The following DNAH11 variants were observed in gnomAD, a reference collection of about 807,000 sequenced individuals.
The protein encoded by DNAH11 is dynein axonemal heavy chain 11.
Under a neutral mutation model 526.0 loss-of-function variants are expected in DNAH11, and 442 were observed. The ratio of observed to expected loss-of-function variants is 0.84; its 90% CI spans 0.78 to 0.91. DNAH11 has a LOEUF of 0.91. Among genes scored for constraint, DNAH11 ranks in the 40% least tolerant of loss-of-function variants. The probability of loss-of-function intolerance (pLI) is 0.00; values close to 1 mark genes in which losing one functional copy is unlikely to be tolerated. For synonymous variants in DNAH11, 2,461 were observed against 1,935.9 expected, an observed-to-expected ratio of 1.27 and a Z score of -7.12; for missense variants, 6,989 against 5,448.7, an observed-to-expected ratio of 1.28 and a Z score of -8.90.
At chr7:21,577,031 A>G (rs898001660) in intron 8 of DNAH11, among the ~76,000 whole-genome samples, 1 of 152,348 alleles carries the variant, frequency 6.6e-6, no homozygotes, top group East Asian at 1.9e-4. Context: ...CAGAGTGGCT[A>G]AGGATATTGG....
chr7:21,608,432 C>T (rs574671979), intron 20 of DNAH11, among the ~76,000 whole-genome samples: 8 of 152,208 alleles, frequency 5.3e-5, no homozygotes, highest in Non-Finnish European at 7.3e-5. Context: ...ACCCTGATTT[C>T]ATTTCATGCT....
chr7:21,847,432 C>T (rs1435062420), intron 66 of DNAH11, among the ~76,000 whole-genome samples: 2 of 152,100 alleles, frequency 1.3e-5, no homozygotes, highest in African/African-American at 4.8e-5. Context: ...CTTGAGACTT[C>T]TTCTTTGACC....
intron 14 of DNAH11, 76 bp from the exon 15 acceptor site, chr7:21,599,711 C>CTA: frequency 8.7e-7 from 1 of 1,142,938 alleles, no homozygotes; most frequent in Non-Finnish European, 1.2e-6. Context: ...CTTTTACAAA[C>CTA]TATTTAAACG....
intron 34 of DNAH11, among the ~76,000 whole-genome samples, chr7:21,688,498 A>G (rs925601649): frequency 1.3e-5 from 2 of 152,184 alleles, no homozygotes; most frequent in African/African-American, 4.8e-5. Flanking sequence ...GCTTTAAAAA[A>G]ACTCTCTCTA....
chr7:21,581,466 G>GA (rs1290085701), intron 8 of DNAH11, among the ~76,000 whole-genome samples: 1 of 151,956 alleles, frequency 6.6e-6, no homozygotes, highest in Non-Finnish European at 1.5e-5. Flanking sequence ...ACAACTCCAT[G>GA]AAAAAACAAA....
At chr7:21,810,496 G>C (rs1789468228) in intron 63 of DNAH11, among the ~76,000 whole-genome samples, 2 of 152,182 alleles carry the variant, frequency 1.3e-5, no homozygotes, top group African/African-American at 4.8e-5. Flanking sequence ...TGCAGTGCAA[G>C]CTGGCCAAAC....
chr7:21,843,601 T>C (rs6980207), intron 66 of DNAH11, among the ~76,000 whole-genome samples: 99,661 of 151,342 alleles, frequency 0.66, 33,193 homozygotes, highest in Non-Finnish European at 0.69. Flanking sequence ...CTGCCTCAGC[T>C]TCCCGAGTAG....
intron 45 of DNAH11, 130 bp downstream of exon 45, chr7:21,726,114 T>C (rs1426816889): frequency 1.0e-6 from 1 of 955,404 alleles, no homozygotes; most frequent in South Asian, 2.1e-5. Flanking sequence ...CCAGGAAGCA[T>C]GATGCTGGCA....
intron 32 of DNAH11, among the ~76,000 whole-genome samples, chr7:21,684,241 T>C (rs1301156197): frequency 6.6e-6 from 1 of 152,180 alleles, no homozygotes; most frequent in Non-Finnish European, 1.5e-5. Flanking sequence ...ATTCCTTTAC[T>C]GAAAGTGTAC....
intron 64 of DNAH11, among the ~76,000 whole-genome samples, chr7:21,817,244 T>C (rs1235807785): frequency 6.6e-6 from 1 of 152,184 alleles, no homozygotes; most frequent in African/African-American, 2.4e-5. Context: ...TACTGTCTGA[T>C]AGATAGAAAG....
At chr7:21,839,517 G>A (rs1355594127) in intron 65 of DNAH11, among the ~76,000 whole-genome samples, 1 of 151,662 alleles carries the variant, frequency 6.6e-6, no homozygotes, top group African/African-American at 2.4e-5. Context: ...AGAGCTTTCA[G>A]GGATCCGAGA....
chr7:21,605,015 C>T (rs953679376), intron 18 of DNAH11, among the ~76,000 whole-genome samples: 6 of 152,160 alleles, frequency 3.9e-5, no homozygotes, highest in African/African-American at 1.2e-4. Flanking sequence ...TGTTTTGATT[C>T]CATAACACAT....
chr7:21,750,253 T>C lies in DNAH11; in HGVS notation c.8829T>C (p.Asp2943=), dbSNP rs886038474. 2.5e-6 allele frequency: 4 copies of C among 1,606,506 alleles called. No individual in the cohort carries two copies. The highest frequency in any genetic ancestry group is 3.3e-4 in the Middle Eastern group (2 of 6,058). The change falls in exon 54 of 82, where the codon GAT becomes GAC. Residue 2943 remains aspartate, a synonymous_variant. Coordinates refer to ENST00000409508, the MANE Select transcript of DNAH11 (RefSeq NM_001277115.2). ...GEIPDLFSDE[D]VDKIISGIHN... Reference sequence around the variant, plus strand: ...TCCCAGATCTGTTCAGCGATGAAGATGTGGACAAGATAATTTCTGGAATTC... The same window carrying C: ...TCCCAGATCTGTTCAGCGATGAAGACGTGGACAAGATAATTTCTGGAATTC...
intron 21 of DNAH11, among the ~76,000 whole-genome samples, chr7:21,615,575 T>G (rs1027052524): frequency 6.6e-6 from 1 of 151,700 alleles, no homozygotes; most frequent in Non-Finnish European, 1.5e-5. Context: ...AAATATATAT[T>G]ACATGTGTAG....
chr7:21,896,929 G>T (rs1784535482), intron 79 of DNAH11, among the ~76,000 whole-genome samples: 1 of 152,020 alleles, frequency 6.6e-6, no homozygotes, highest in South Asian at 2.1e-4. Flanking sequence ...ATAAAAATTA[G>T]CCAGGTGTGG....
At chr7:21,869,852 T>C (rs1050199169) in intron 73 of DNAH11, among the ~76,000 whole-genome samples, 1 of 152,314 alleles carries the variant, frequency 6.6e-6, no homozygotes, top group Admixed American at 6.5e-5. Flanking sequence ...TCCCACCCAG[T>C]GTCCTCTGGG....
chr7:21,815,132 G>A (rs566256763), intron 63 of DNAH11, among the ~76,000 whole-genome samples: 1 of 152,218 alleles, frequency 6.6e-6, no homozygotes, highest in East Asian at 1.9e-4. Context: ...CACAGAGTAG[G>A]TACTCAAACT....
rs762112951 is a variant in DNAH11 at position 21,623,056 on chromosome 7, C to T, written c.4500+2978C>T. On this transcript the variant is annotated intron_variant, in intron 25 of 81. Coordinates refer to ENST00000409508, the MANE Select transcript of DNAH11 (RefSeq NM_001277115.2). ...AACCTACAAAATGGGAGAAAATTTT[C>T]GCAACCTACTCATCTGACAAAGGGC... 6.6e-3 allele frequency among the ~76,000 whole-genome samples: 998 copies of T among 151,746 alleles called. 4 individuals carry two copies. Among genetic ancestry groups the T allele is most frequent in the Non-Finnish European group, 0.01 (706 of 67,740 alleles).
intron 56 of DNAH11, among the ~76,000 whole-genome samples, chr7:21,775,113 T>G (rs1312559185): frequency 6.6e-6 from 1 of 152,158 alleles, no homozygotes; most frequent in African/African-American, 2.4e-5. Context: ...CACTTGCCTC[T>G]TTTTCTCTTA....
Sources: gnomAD v4.1 joint callset for allele counts (sites outside exome capture counted in the v4.1 genomes callset) on GRCh38, gnomAD v4.1.1 for gene constraint, MANE v1.5 for transcripts, NCBI Gene and HGNC (gene_info 2026-07-23, HGNC 2026-07-21) for gene names.